IL1RAPL1: variants seen among roughly 807,000 people sequenced by gnomAD.
IL1RAPL1 encodes the protein interleukin-1 receptor accessory protein-like 1.
In IL1RAPL1, 3 loss-of-function variants were observed where a neutral mutation model predicts 48.4. That is an observed-to-expected ratio of 0.06 (90% CI 0.03 to 0.16). The LOEUF (loss-of-function observed/expected upper bound fraction) is 0.16. Ranked by LOEUF, IL1RAPL1 falls within the 10% of genes least tolerant of loss-of-function variation. IL1RAPL1 has a pLI of 1.00. For synonymous variants in IL1RAPL1, 185 were observed against 187.7 expected (o/e 0.99, Z 0.12); for missense variants, 349 against 530.6 (o/e 0.66, Z 3.36).
intron 3 of IL1RAPL1, among the ~76,000 whole-genome samples, chrX:29,328,382 G>C (rs1932856112): frequency 1.8e-5 from 2 of 110,827 alleles, no homozygotes; most frequent in South Asian, 3.8e-4. Context: ...CAAAATATTA[G>C]AGTTTTTTAG....
intron 6 of IL1RAPL1, among the ~76,000 whole-genome samples, chrX:29,732,638 A>T (rs759452136): frequency 8.9e-6 from 1 of 111,958 alleles, no homozygotes; most frequent in African/African-American, 3.2e-5. Context: ...TATACATTCC[A>T]CTTGACTTGT....
intron 2 of IL1RAPL1, among the ~76,000 whole-genome samples, chrX:29,060,695 C>A (rs1379377543): frequency 9.0e-6 from 1 of 111,575 alleles, no homozygotes; most frequent in Non-Finnish European, 1.9e-5. Flanking sequence ...CCATCTGTAC[C>A]TTCTCTAATA....
chrX:28,981,176 A>G (rs1271177968), intron 2 of IL1RAPL1, among the ~76,000 whole-genome samples: 1 of 101,435 alleles, frequency 9.9e-6, no homozygotes, highest in East Asian at 3.2e-4. Context: ...CCCATGCTGT[A>G]GGTAGAATGA....
chrX:29,479,367 G>C (rs1238470168), intron 5 of IL1RAPL1, among the ~76,000 whole-genome samples: 1 of 94,203 alleles, frequency 1.1e-5, no homozygotes, highest in Non-Finnish European at 2.0e-5. Flanking sequence ...GTGAGTCATG[G>C]TTGCGTCACT....
chrX:29,781,912 G>C (rs1929345385), intron 6 of IL1RAPL1, among the ~76,000 whole-genome samples: 1 of 111,221 alleles, frequency 9.0e-6, no homozygotes, highest in African/African-American at 3.3e-5. Flanking sequence ...CAGTCTCCCA[G>C]GTCTTGGTAA....
intron 6 of IL1RAPL1, among the ~76,000 whole-genome samples, chrX:29,794,836 A>G (rs1357748679): frequency 8.9e-6 from 1 of 112,164 alleles, no homozygotes; most frequent in African/African-American, 3.2e-5. Flanking sequence ...CATAAAATCT[A>G]TATAGCAACT....
At chrX:28,651,208 A>G (rs1934679116) in intron 1 of IL1RAPL1, among the ~76,000 whole-genome samples, 1 of 112,579 alleles carries the variant, frequency 8.9e-6, no homozygotes, top group South Asian at 3.6e-4. Context: ...AAATCAGAAT[A>G]AATCAGAAAT....
At chrX:29,553,433 G>A (rs1000185292) in intron 5 of IL1RAPL1, among the ~76,000 whole-genome samples, 3 of 111,317 alleles carry the variant, frequency 2.7e-5, no homozygotes, top group Non-Finnish European at 3.8e-5. Context: ...CTGGGGCCCC[G>A]TTAGTTTGGT....
chrX:29,940,738 C>G (rs1933113214), intron 8 of IL1RAPL1, among the ~76,000 whole-genome samples: 1 of 112,018 alleles, frequency 8.9e-6, no homozygotes, highest in Non-Finnish European at 1.9e-5. Flanking sequence ...CCAAGTTTTC[C>G]TGATAAGTTT....
At chrX:29,122,431 A>ACACACACC in intron 2 of IL1RAPL1, among the ~76,000 whole-genome samples, 1 of 99,912 alleles carries the variant, frequency 1.0e-5, no homozygotes, top group African/African-American at 3.8e-5. Flanking sequence ...ACACACACAC[A>ACACACACC]CACACACACA....
chrX:28,690,167 G>A (rs768648010), intron 1 of IL1RAPL1, among the ~76,000 whole-genome samples: 1 of 111,758 alleles, frequency 8.9e-6, no homozygotes, highest in African/African-American at 3.3e-5. Context: ...GCCTTGGGCA[G>A]TATCTCTAGC....
At chrX:29,284,515 G>A (rs1483551087) in intron 3 of IL1RAPL1, among the ~76,000 whole-genome samples, 2 of 112,275 alleles carry the variant, frequency 1.8e-5, no homozygotes, top group African/African-American at 3.2e-5. Flanking sequence ...GGCCGAGGCA[G>A]GCAGATCACT....
rs185425209 is a variant in IL1RAPL1 at position 29,573,511 on chromosome X, A to G, written c.704-94919A>G. Among the ~76,000 whole-genome samples, 10 of 112,383 alleles carry G rather than the reference A, an allele frequency of 8.9e-5. No homozygotes were observed. In the East Asian group the frequency reaches 1.7e-3, roughly 19 times the overall value. On this transcript the variant is annotated intron_variant, in intron 5 of 10. Transcript: ENST00000378993. Reference sequence around the variant, plus strand: ...AGTGTCCTAATGAAATGAGACTTCTATTTTGTAAGATGAGAGAAAGGTGAG... The same window carrying G: ...AGTGTCCTAATGAAATGAGACTTCTGTTTTGTAAGATGAGAGAAAGGTGAG...
At chrX:28,856,521 A>G (rs1472984229) in intron 2 of IL1RAPL1, among the ~76,000 whole-genome samples, 3 of 111,727 alleles carry the variant, frequency 2.7e-5, no homozygotes, top group African/African-American at 6.5e-5. Context: ...CAGTACGTCT[A>G]TCAATGCCAT....
intron 6 of IL1RAPL1, among the ~76,000 whole-genome samples, chrX:29,761,751 T>A (rs186305823): frequency 9.2e-6 from 1 of 109,284 alleles, no homozygotes; most frequent in Non-Finnish European, 1.9e-5. Context: ...TTTGTATATA[T>A]CACTTGATGC....
intron 5 of IL1RAPL1, among the ~76,000 whole-genome samples, chrX:29,475,384 A>C (rs1024791732): frequency 7.1e-5 from 8 of 112,218 alleles, no homozygotes; most frequent in African/African-American, 2.6e-4. Flanking sequence ...GTGAATTAGC[A>C]TATAAAGATA....
Position 29,228,178 on chromosome X carries a change from GCACACACACACACACACACA to G in IL1RAPL1, c.83-54733_83-54714del, listed in dbSNP as rs35435025. On this transcript the variant is annotated intron_variant, in intron 2 of 10. Coordinates refer to ENST00000378993, the MANE Select transcript of IL1RAPL1 (RefSeq NM_014271.4). ...TATAACCATCTCCGGACACACGCGT[GCACACACACACACACACACA>G]CACACACACACACACACACACACAC... Among the ~76,000 whole-genome samples the G allele has an allele frequency of 5.3e-3, 446 of 84,379 alleles. 5 individuals carry two copies. The highest frequency in any genetic ancestry group is 0.02 in the African/African-American group (432 of 21,770). 73.3% of individuals were successfully genotyped at this position (84,379 alleles called of 115,157 possible).
chrX:29,863,787 T>G (rs1356899152), intron 6 of IL1RAPL1, among the ~76,000 whole-genome samples: 5 of 110,982 alleles, frequency 4.5e-5, no homozygotes, highest in African/African-American at 1.6e-4. Flanking sequence ...CATACAACTT[T>G]TTTTTTTTTC....
chrX:29,310,930 T>C (rs956251286), intron 3 of IL1RAPL1, among the ~76,000 whole-genome samples: 9 of 112,160 alleles, frequency 8.0e-5, no homozygotes, highest in African/African-American at 2.6e-4. Flanking sequence ...TATTGTTTCA[T>C]TGTCTGAGAA....
Sources: allele counts gnomAD v4.1 joint callset (sites outside exome capture counted in the v4.1 genomes callset), GRCh38; gene constraint gnomAD v4.1.1; transcripts MANE v1.5; gene names NCBI Gene and HGNC (gene_info 2026-07-23, HGNC 2026-07-21).